Variants in HS6ST3 observed in about 807,000 individuals in gnomAD.
The protein encoded by HS6ST3 is heparan sulfate 6-O-sulfotransferase 3.
HS6ST3 carries 12 observed loss-of-function variants against 36.7 expected under a neutral mutation model. That is an observed-to-expected ratio of 0.33 (90% CI 0.21 to 0.53). The LOEUF is 0.53. HS6ST3 is among the 20% of genes least tolerant of loss of function. HS6ST3 has a pLI of 0.95. For synonymous variants in HS6ST3, 240 were observed against 257.5 expected, an observed-to-expected ratio of 0.93 and a Z score of 0.65; for missense variants, 584 against 640.9, an observed-to-expected ratio of 0.91 and a Z score of 0.96.
At chr13:96,547,183 A>C (rs1012540799) in intron 1 of HS6ST3, among the ~76,000 whole-genome samples, 2 of 152,200 alleles carry the variant, frequency 1.3e-5, no homozygotes, top group Admixed American at 6.5e-5. Flanking sequence ...GGGAACAATA[A>C]ATATTACCTA....
chr13:96,769,015 A>C (rs925629801), intron 1 of HS6ST3, among the ~76,000 whole-genome samples: 2 of 152,084 alleles, frequency 1.3e-5, no homozygotes, highest in African/African-American at 4.8e-5. Flanking sequence ...TTGCTGGTCC[A>C]TGAGCCATTT....
rs541408960 is a variant in HS6ST3 at position 96,509,433 on chromosome 13, G to C, written c.708-323057G>C. Among the ~76,000 whole-genome samples the C allele has an allele frequency of 1.6e-4, 25 of 152,198 alleles. No homozygotes were observed. In the South Asian group the frequency reaches 5.2e-3, roughly 32 times the overall value. Reference sequence around the variant, plus strand: ...AATTATTTGCCTAAACCAATGTCTAGAAGAGTTTTTCCAATGTTGTCTTAT... The same window carrying C: ...AATTATTTGCCTAAACCAATGTCTACAAGAGTTTTTCCAATGTTGTCTTAT... On this transcript the variant is annotated intron_variant, in intron 1 of 1. Transcript: ENST00000376705.
intron 1 of HS6ST3, among the ~76,000 whole-genome samples, chr13:96,464,155 A>AAAAAAAAAAAAAAAAAAAAAAAAAAAC (rs2055800332): frequency 1.3e-5 from 2 of 148,920 alleles, no homozygotes; most frequent in Non-Finnish European, 3.0e-5. Context: ...AAAAAAAAAA[A>AAAAAAAAAAAAAAAAAAAAAAAAAAAC]AAAAAATCAA....
At chr13:96,819,775 C>T (rs924534646) in intron 1 of HS6ST3, among the ~76,000 whole-genome samples, 1 of 152,052 alleles carries the variant, frequency 6.6e-6, no homozygotes, top group Non-Finnish European at 1.5e-5. Context: ...TGTATATGGC[C>T]AGGCACAGTG....
At chr13:96,804,116 A>G (rs1878144336) in intron 1 of HS6ST3, among the ~76,000 whole-genome samples, 1 of 151,514 alleles carries the variant, frequency 6.6e-6, no homozygotes, top group East Asian at 1.9e-4. Flanking sequence ...TTGTGTTAGC[A>G]TTCTACATGG....
At chr13:96,374,487 G>A (rs1479742988) in intron 1 of HS6ST3, among the ~76,000 whole-genome samples, 1 of 152,056 alleles carries the variant, frequency 6.6e-6, no homozygotes, top group African/African-American at 2.4e-5. Context: ...CTTTGTCCCT[G>A]TCTCTTCCTG....
At chr13:96,757,172 TAC>T (rs1277758226) in intron 1 of HS6ST3, among the ~76,000 whole-genome samples, 1 of 152,194 alleles carries the variant, frequency 6.6e-6, no homozygotes, top group Non-Finnish European at 1.5e-5. Flanking sequence ...AGTGAGTCTA[TAC>T]AACATAATGT....
At chr13:96,558,401 T>C (rs1190742041) in intron 1 of HS6ST3, among the ~76,000 whole-genome samples, 2 of 152,224 alleles carry the variant, frequency 1.3e-5, no homozygotes, top group Non-Finnish European at 2.9e-5. Flanking sequence ...AAGAGAAAGT[T>C]AAGTTTCAGA....
At chr13:96,546,472 A>G (rs2056198100) in intron 1 of HS6ST3, among the ~76,000 whole-genome samples, 1 of 152,334 alleles carries the variant, frequency 6.6e-6, no homozygotes, top group South Asian at 2.1e-4. Flanking sequence ...ATAAATATGT[A>G]TGGAGGAGTT....
At chr13:96,255,129 C>G (rs918773302) in intron 1 of HS6ST3, among the ~76,000 whole-genome samples, 1 of 152,178 alleles carries the variant, frequency 6.6e-6, no homozygotes, top group African/African-American at 2.4e-5. Flanking sequence ...TGTTACCTAG[C>G]TGGAACAAGG....
At chr13:96,239,461 A>C (rs569905784) in intron 1 of HS6ST3, among the ~76,000 whole-genome samples, 1 of 152,352 alleles carries the variant, frequency 6.6e-6, no homozygotes, top group African/African-American at 2.4e-5. Flanking sequence ...CCATAAAAGC[A>C]ATTATAACGG....
intron 1 of HS6ST3, among the ~76,000 whole-genome samples, chr13:96,484,135 AC>A (rs2055902629): frequency 6.6e-6 from 1 of 152,062 alleles, no homozygotes; most frequent in African/African-American, 2.4e-5. Flanking sequence ...AGTCTTGATT[AC>A]TGTAGCTTTT....
At chr13:96,352,397 A>G (rs914114097) in intron 1 of HS6ST3, among the ~76,000 whole-genome samples, 1 of 152,186 alleles carries the variant, frequency 6.6e-6, no homozygotes, top group Non-Finnish European at 1.5e-5. Context: ...GGTGATGATC[A>G]TTGGCAGTAG....
intron 1 of HS6ST3, among the ~76,000 whole-genome samples, chr13:96,807,745 A>C (rs1878230095): frequency 6.6e-6 from 1 of 152,038 alleles, no homozygotes; most frequent in Non-Finnish European, 1.5e-5. Context: ...GGACGCCTGT[A>C]GTCCCAGCTA....
At chr13:96,563,858 C>G (rs778627205) in intron 1 of HS6ST3, among the ~76,000 whole-genome samples, 2 of 152,312 alleles carry the variant, frequency 1.3e-5, no homozygotes, top group South Asian at 2.1e-4. Flanking sequence ...TTTCATCTTA[C>G]TGTCTTAGCC....
rs71292889 is a variant in HS6ST3 at position 96,583,204 on chromosome 13, CT to C, written c.708-249259del. Reference sequence around the variant, plus strand: ...AATGGCTTCAATTTCTTTTTCTTTTCTTTTTTTTTTTTTTTTTTTTTTTTTT... The same window carrying C: ...AATGGCTTCAATTTCTTTTTCTTTTCTTTTTTTTTTTTTTTTTTTTTTTTT... On this transcript the variant is annotated intron_variant, in intron 1 of 1. Transcript: ENST00000376705. Among the ~76,000 whole-genome samples the C allele has an allele frequency of 1.4e-3, 73 of 52,932 alleles. No homozygotes were observed. The East Asian group carries it at 0.044, about 32-fold the overall frequency. 34.7% of individuals were successfully genotyped at this position (52,932 alleles called of 152,430 possible). A position where few individuals can be genotyped will look rare whatever the true frequency, so the allele number is the denominator to read the frequency against.
At chr13:96,612,030 G>T (rs1321796358) in intron 1 of HS6ST3, among the ~76,000 whole-genome samples, 1 of 152,156 alleles carries the variant, frequency 6.6e-6, no homozygotes, top group Non-Finnish European at 1.5e-5. Context: ...GAGATTGTGG[G>T]GACTTGATTT....
At chr13:96,608,617 G>C (rs1177491293) in intron 1 of HS6ST3, among the ~76,000 whole-genome samples, 1 of 152,202 alleles carries the variant, frequency 6.6e-6, no homozygotes, top group Non-Finnish European at 1.5e-5. Flanking sequence ...TTTTCCAAAA[G>C]ATAAATTGCA....
At chr13:96,732,009 T>G (rs1240754021) in intron 1 of HS6ST3, among the ~76,000 whole-genome samples, 1 of 152,180 alleles carries the variant, frequency 6.6e-6, no homozygotes, top group Non-Finnish European at 1.5e-5. Flanking sequence ...GGCCATATTA[T>G]TTTACATTCC....
Sources: allele counts gnomAD v4.1 joint callset (sites outside exome capture counted in the v4.1 genomes callset), GRCh38; gene constraint gnomAD v4.1.1; transcripts MANE v1.5; gene names NCBI Gene and HGNC (gene_info 2026-07-23, HGNC 2026-07-21).